CDK14: variants seen among roughly 807,000 people sequenced by gnomAD.
The protein encoded by CDK14 is cyclin dependent kinase 14.
A neutral mutation model predicts 60.7 loss-of-function variants in CDK14; 34 were observed. The ratio of observed to expected loss-of-function variants is 0.56; its 90% CI spans 0.43 to 0.75. CDK14 has a LOEUF of 0.75. CDK14 is among the 30% of genes least tolerant of loss of function. The pLI is 0.00. For missense variants in CDK14, 482 were observed against 564.1 expected (o/e 0.85, Z 1.47); for synonymous variants, 197 against 203.7 (o/e 0.97, Z 0.28).
chr7:90,894,431 C>T (rs1329846817), intron 6 of CDK14, among the ~76,000 whole-genome samples: 1 of 152,106 alleles, frequency 6.6e-6, no homozygotes, highest in Non-Finnish European at 1.5e-5. Context: ...CGTTTTCGTG[C>T]CCTACATCTA....
chr7:90,766,179 T>C (rs933240996), intron 4 of CDK14, among the ~76,000 whole-genome samples: 5 of 152,036 alleles, frequency 3.3e-5, no homozygotes, highest in African/African-American at 9.7e-5. Flanking sequence ...CTAGTTGTGA[T>C]TTTTTTTAAT....
At chr7:90,994,785 G>T (rs949109829) in intron 10 of CDK14, among the ~76,000 whole-genome samples, 1 of 152,120 alleles carries the variant, frequency 6.6e-6, no homozygotes, top group Non-Finnish European at 1.5e-5. Flanking sequence ...CAAGTTCATG[G>T]ATGTGTCAGA....
At chr7:91,046,591 A>G (rs1298013806) in intron 11 of CDK14, among the ~76,000 whole-genome samples, 1 of 152,168 alleles carries the variant, frequency 6.6e-6, no homozygotes, top group Non-Finnish European at 1.5e-5. Context: ...AATCTCAAAT[A>G]TGGTCTGATT....
intron 10 of CDK14, among the ~76,000 whole-genome samples, chr7:91,026,052 T>C (rs1380206236): frequency 6.6e-6 from 1 of 152,130 alleles, no homozygotes; most frequent in Non-Finnish European, 1.5e-5. Context: ...ACATAATCAT[T>C]AGAAGACTTT....
At chr7:91,074,556 T>C (rs957039302) in intron 11 of CDK14, among the ~76,000 whole-genome samples, 2 of 151,910 alleles carry the variant, frequency 1.3e-5, no homozygotes, top group Non-Finnish European at 2.9e-5. Context: ...TAGAAAGAGC[T>C]CAAATCGACA....
intron 5 of CDK14, among the ~76,000 whole-genome samples, chr7:90,805,811 T>C (rs1255880731): frequency 6.6e-6 from 1 of 152,136 alleles, no homozygotes; most frequent in Non-Finnish European, 1.5e-5. Flanking sequence ...TTACATTATA[T>C]GAAAATGTAA....
intron 8 of CDK14, among the ~76,000 whole-genome samples, chr7:90,948,075 A>G (rs1456617874): frequency 6.6e-6 from 1 of 152,218 alleles, no homozygotes; most frequent in Non-Finnish European, 1.5e-5. Flanking sequence ...TCTGAATATT[A>G]TGCCTTGACT....
chr7:90,899,319 A>G lies in CDK14; in HGVS notation c.668A>G (p.Lys223Arg). 2 of 1,603,162 alleles carry G rather than the reference A, an allele frequency of 1.2e-6. No individual in the cohort carries two copies. Among genetic ancestry groups the G allele is most frequent in the South Asian group, 1.1e-5 (1 of 88,690 alleles). Residue 223 changes from lysine (K) to arginine (R), a missense_variant, in exon 7 of 15, where the codon AAG (lysine) becomes AGG (arginine). Physicochemically the swap from Lys to Arg is conservative, Grantham distance 26. Transcript: ENST00000380050. Reference sequence around the variant, plus strand: ...ACTGATTTATGTCAGTACATGGACAAGCACCCTGGGGGGCTGCATCCAGAT... The same window carrying G: ...ACTGATTTATGTCAGTACATGGACAGGCACCCTGGGGGGCTGCATCCAGAT... The part of the protein sequence containing the change: ...VHTDLCQYMD[K>R]HPGGLHPDNV...
chr7:91,075,145 G>A (rs1798262039), intron 11 of CDK14, among the ~76,000 whole-genome samples: 1 of 152,110 alleles, frequency 6.6e-6, no homozygotes, highest in African/African-American at 2.4e-5. Flanking sequence ...ATTTTATGAG[G>A]CCAGCATCAT....
chr7:90,693,791 A>G (rs1801602805), intron 2 of CDK14, among the ~76,000 whole-genome samples: 1 of 152,140 alleles, frequency 6.6e-6, no homozygotes, highest in African/African-American at 2.4e-5. Context: ...CTGTTTCTAG[A>G]TCCTCTCTGA....
chr7:90,650,780 T>G (rs1432140426), intron 2 of CDK14, among the ~76,000 whole-genome samples: 1 of 152,194 alleles, frequency 6.6e-6, no homozygotes, highest in African/African-American at 2.4e-5. Flanking sequence ...ATGTGTGGTG[T>G]TATTTCTGAG....
At chr7:90,665,368 G>A (rs544455228) in intron 2 of CDK14, among the ~76,000 whole-genome samples, 1 of 152,272 alleles carries the variant, frequency 6.6e-6, no homozygotes, top group East Asian at 1.9e-4. Flanking sequence ...CTCTATGGCA[G>A]GTACTGTGCT....
intron 2 of CDK14, among the ~76,000 whole-genome samples, chr7:90,680,507 G>A (rs1407135530): frequency 6.6e-6 from 1 of 152,166 alleles, no homozygotes; most frequent in Non-Finnish European, 1.5e-5. Flanking sequence ...AAAGAAGCCA[G>A]ATGAGACCCT....
At chr7:91,001,374 C>G (rs1381814682) in intron 10 of CDK14, among the ~76,000 whole-genome samples, 2 of 152,120 alleles carry the variant, frequency 1.3e-5, no homozygotes, top group Admixed American at 6.5e-5. Flanking sequence ...GAATACGTAT[C>G]TTTGATAATA....
At chr7:91,134,305 A>AT (rs1480907051) in intron 14 of CDK14, among the ~76,000 whole-genome samples, 1 of 152,024 alleles carries the variant, frequency 6.6e-6, no homozygotes, top group Non-Finnish European at 1.5e-5. Context: ...GAGGTAAATA[A>AT]TTTTTTTATC....
At chr7:90,883,814 A>G (rs1310320181) in intron 6 of CDK14, among the ~76,000 whole-genome samples, 1 of 152,248 alleles carries the variant, frequency 6.6e-6, no homozygotes, top group Non-Finnish European at 1.5e-5. Flanking sequence ...AATCCATCAC[A>G]TAATCAGAAC....
chr7:90,786,727 G>A (rs997809530), intron 4 of CDK14, among the ~76,000 whole-genome samples: 3 of 150,508 alleles, frequency 2.0e-5, no homozygotes, highest in African/African-American at 7.3e-5. Context: ...GACTATCCTG[G>A]GCAACATAGT....
chr7:90,900,480 T>G (rs1034388131), intron 7 of CDK14, among the ~76,000 whole-genome samples: 1 of 152,178 alleles, frequency 6.6e-6, no homozygotes, highest in Admixed American at 6.5e-5. Flanking sequence ...CTATGTTCAA[T>G]TCCAACTCTA....
At chr7:90,664,758 G>C (rs553514350) in intron 2 of CDK14, among the ~76,000 whole-genome samples, 1 of 146,910 alleles carries the variant, frequency 6.8e-6, no homozygotes, top group African/African-American at 2.5e-5. Context: ...ATGGACACAG[G>C]AAGGGGAACA....
Sources: gnomAD v4.1 joint callset for allele counts (sites outside exome capture counted in the v4.1 genomes callset) on GRCh38, gnomAD v4.1.1 for gene constraint, MANE v1.5 for transcripts, NCBI Gene and HGNC (gene_info 2026-07-23, HGNC 2026-07-21) for gene names.